Variants in RAPGEF2 observed in about 807,000 individuals in gnomAD.
The protein encoded by RAPGEF2 is PDZ domain containing guanine nucleotide exchange factor (GEF) 1.
A neutral mutation model predicts 186.7 loss-of-function variants in RAPGEF2; 54 were observed. That is an observed-to-expected ratio of 0.29 (90% CI 0.23 to 0.36). The LOEUF (loss-of-function observed/expected upper bound fraction) is 0.36, where lower values mean the gene tolerates loss of function less well. RAPGEF2 is among the 10% of genes least tolerant of loss of function. RAPGEF2 has a pLI of 1.00. For missense variants in RAPGEF2, 1,532 were observed against 2,045.0 expected (o/e 0.75, Z 4.84); for synonymous variants, 712 against 705.9 (o/e 1.01, Z -0.14).
chr4:159,326,720 A>T (rs1450038287), intron 11 of RAPGEF2: 1 of 152,236 alleles, frequency 6.6e-6, no homozygotes, highest in Non-Finnish European at 1.5e-5. Context: ...GCAATTGGTA[A>T]TGGTTTTCCA....
intron 7 of RAPGEF2, among the ~76,000 whole-genome samples, chr4:159,253,777 G>A (rs1755776859): frequency 6.6e-6 from 1 of 152,108 alleles, no homozygotes; most frequent in Admixed American, 6.5e-5. Flanking sequence ...GACCATCCTG[G>A]CTAATACGGT....
rs187274174 is a variant in RAPGEF2 at position 159,139,888 on chromosome 4, A to G, written c.69+35657A>G. On this transcript the variant is annotated intron_variant, in intron 1 of 29. Transcript: ENST00000691494. ...GTTTTGTCCTATTAGGGGTGGAGTC[A>G]TGGAACAGGAAGAAAGACATCCAGT... is the stretch of plus-strand genomic sequence containing the variant. Among the ~76,000 whole-genome samples the G allele has an allele frequency of 2.1e-3, 316 of 152,316 alleles. 2 individuals are homozygous for G. The highest frequency in any genetic ancestry group is 7.3e-3 in the African/African-American group (305 of 41,570).
At chr4:159,240,924 T>G (rs1753911790) in intron 5 of RAPGEF2, 1 of 331,526 alleles carries the variant, frequency 3.0e-6, no homozygotes, top group Non-Finnish European at 5.5e-6. Flanking sequence ...GTACAAAGAC[T>G]GCTGAAAATA....
intron 11 of RAPGEF2, among the ~76,000 whole-genome samples, chr4:159,326,066 A>T (rs1445989339): frequency 1.3e-5 from 2 of 152,154 alleles, no homozygotes; most frequent in Admixed American, 1.3e-4. Flanking sequence ...GAATATGTTA[A>T]ATCAGGGATT....
intron 2 of RAPGEF2, among the ~76,000 whole-genome samples, chr4:159,187,203 A>G (rs780160609): frequency 9.8e-5 from 15 of 152,320 alleles, no homozygotes; most frequent in African/African-American, 1.2e-4. Flanking sequence ...GTTGAATTCA[A>G]TTGTATCCAG....
chr4:159,112,100 C>T (rs952730959), intron 1 of RAPGEF2, among the ~76,000 whole-genome samples: 2 of 152,150 alleles, frequency 1.3e-5, no homozygotes, highest in African/African-American at 2.4e-5. Context: ...GATTGACTCC[C>T]CTCCCCCTGC....
chr4:159,241,705 A>G (rs1754030606), intron 6 of RAPGEF2, among the ~76,000 whole-genome samples: 1 of 151,832 alleles, frequency 6.6e-6, no homozygotes, highest in Non-Finnish European at 1.5e-5. Flanking sequence ...CAGCTTTGTG[A>G]TAAGCACATG....
chr4:159,340,702 CACACAT>C (rs1450266328), intron 19 of RAPGEF2, among the ~76,000 whole-genome samples: 3 of 147,420 alleles, frequency 2.0e-5, no homozygotes, highest in African/African-American at 7.6e-5. Context: ...CACACACACA[CACACAT>C]TTATGGAATT....
At chr4:159,301,016 T>A (rs1344734805) in intron 7 of RAPGEF2, among the ~76,000 whole-genome samples, 1 of 152,178 alleles carries the variant, frequency 6.6e-6, no homozygotes, top group African/African-American at 2.4e-5. Flanking sequence ...TTTCTTTCCT[T>A]ATGGGAACAC....
chr4:159,157,163 A>G (rs141434619), intron 1 of RAPGEF2, among the ~76,000 whole-genome samples: 1 of 152,314 alleles, frequency 6.6e-6, no homozygotes, highest in Non-Finnish European at 1.5e-5. Flanking sequence ...TTCTTCACAT[A>G]ACACTTCATG....
intron 1 of RAPGEF2, among the ~76,000 whole-genome samples, chr4:159,127,917 C>T (rs544937572): frequency 1.6e-4 from 25 of 152,178 alleles, no homozygotes; most frequent in Non-Finnish European, 2.9e-4. Context: ...TCAAATTTTA[C>T]TTAGTCACCA....
intron 17 of RAPGEF2, among the ~76,000 whole-genome samples, chr4:159,333,452 T>C (rs1766975686): frequency 6.6e-6 from 1 of 152,202 alleles, no homozygotes; most frequent in African/African-American, 2.4e-5. Context: ...TATCATTCTC[T>C]GTTTTCCCCT....
Position 159,259,342 on chromosome 4 carries a change from A to G in RAPGEF2, c.543+15551A>G, listed in dbSNP as rs544714919. 3.9e-5 allele frequency among the ~76,000 whole-genome samples: 6 copies of G among 152,356 alleles called. No homozygotes were observed. The South Asian group carries it at 1.2e-3, about 32-fold the overall frequency. ...AAGAGACTGGGGCATAGAATGTCCA[A>G]TGTCCAATATCCAGAAATGATGACT... is the stretch of plus-strand genomic sequence containing the variant. On this transcript the variant is annotated intron_variant, in intron 7 of 29. Coordinates refer to ENST00000691494, the MANE Select transcript of RAPGEF2 (RefSeq NM_001394067.2).
intron 1 of RAPGEF2, among the ~76,000 whole-genome samples, chr4:159,125,029 T>C (rs531362964): frequency 8.2e-4 from 124 of 151,724 alleles, no homozygotes; most frequent in African/African-American, 2.7e-3. Context: ...TTGCCTAGGT[T>C]TTTCTATTTT....
intron 29 of RAPGEF2, among the ~76,000 whole-genome samples, chr4:159,356,632 G>A (rs1732055034): frequency 6.6e-6 from 1 of 152,174 alleles, no homozygotes; most frequent in Admixed American, 6.5e-5. Context: ...CAGGTGCGAT[G>A]GCTTACACCT....
intron 19 of RAPGEF2, among the ~76,000 whole-genome samples, chr4:159,339,995 C>T (rs1017813512): frequency 9.9e-5 from 15 of 152,198 alleles, no homozygotes; most frequent in Admixed American, 9.2e-4. Context: ...TTATCATTCT[C>T]TTCAATGATA....
rs1228873839 is a variant in RAPGEF2 at position 159,332,476 on chromosome 4, G to T, written c.1914G>T (p.Leu638Phe). ...TATTTAAAGAACTTCTAACAAGATTGTCAGAAGAGAAAAGAAATGGTGCCC... is the reference window on the plus strand; with the variant it reads ...TATTTAAAGAACTTCTAACAAGATTTTCAGAAGAGAAAAGAAATGGTGCCC... ...LFVFKELLTR[L>F]SEEKRNGAPH... The change falls in exon 17 of 30, where the codon TTG (leucine) becomes TTT (phenylalanine). Residue 638 changes from leucine to phenylalanine, a missense_variant. Around this residue, in one of 4 missense-constraint regions of RAPGEF2, gnomAD observed 810 missense variants for 1,210.5 expected, o/e 0.67. Coordinates refer to ENST00000691494, the MANE Select transcript of RAPGEF2 (RefSeq NM_001394067.2). 1.2e-6 allele frequency: 2 copies of T among 1,613,208 alleles called. No homozygotes were observed. The highest frequency in any genetic ancestry group is 8.5e-7 in the Non-Finnish European group (1 of 1,179,578).
intron 4 of RAPGEF2, among the ~76,000 whole-genome samples, chr4:159,235,464 C>G (rs1273501456): frequency 6.6e-6 from 1 of 152,170 alleles, no homozygotes; most frequent in Non-Finnish European, 1.5e-5. Flanking sequence ...TACGGCTTGC[C>G]TGCACTCACA....
chr4:159,183,645 A>G (rs570384980), intron 1 of RAPGEF2, among the ~76,000 whole-genome samples: 3 of 152,356 alleles, frequency 2.0e-5, no homozygotes, highest in Non-Finnish European at 2.9e-5. Flanking sequence ...GATATTTACA[A>G]ATTACACATC....
Sources: gnomAD v4.1 joint callset for allele counts (sites outside exome capture counted in the v4.1 genomes callset) on GRCh38, gnomAD v4.1.1 for gene constraint, gnomAD v4.1.1 regional missense constraint, MANE v1.5 for transcripts, NCBI Gene and HGNC (gene_info 2026-07-23, HGNC 2026-07-21) for gene names.